Variants in PTPRT observed in about 807,000 individuals in gnomAD.
PTPRT encodes protein tyrosine phosphatase receptor type T, also known as receptor-type tyrosine-protein phosphatase T.
PTPRT carries 56 observed loss-of-function variants against 176.8 expected under a neutral mutation model. The observed-to-expected ratio is 0.32, with a 90% CI of 0.26 to 0.40. The LOEUF (loss-of-function observed/expected upper bound fraction) is 0.40. Ranked by LOEUF, PTPRT falls within the 10% of genes least tolerant of loss-of-function variation. The pLI is 1.00. For missense variants in PTPRT, 1,540 were observed against 1,908.2 expected, an observed-to-expected ratio of 0.81 and a Z score of 3.60; for synonymous variants, 783 against 739.0, an observed-to-expected ratio of 1.06 and a Z score of -0.96.
intron 12 of PTPRT, among the ~76,000 whole-genome samples, chr20:42,293,473 C>T (rs1600793562): frequency 1.3e-5 from 2 of 152,290 alleles, no homozygotes; most frequent in Non-Finnish European, 1.5e-5. Flanking sequence ...CCTTTCTTTG[C>T]CTATGTATTT....
chr20:42,137,038 G>A (rs754588111), intron 18 of PTPRT, among the ~76,000 whole-genome samples: 1 of 152,228 alleles, frequency 6.6e-6, no homozygotes, highest in Non-Finnish European at 1.5e-5. Flanking sequence ...CTGCAAGAAG[G>A]CAGAGAAGGC....
At chr20:42,065,455 T>C in the PTPRT span, among the ~76,000 whole-genome samples, 1 of 152,246 alleles carries the variant, frequency 6.6e-6, no homozygotes, top group Admixed American at 6.5e-5. Context: ...GCTTAGTGGC[T>C]AAGAACCACA....
chr20:43,027,963 C>A (rs1259866293), intron 1 of PTPRT, among the ~76,000 whole-genome samples: 1 of 152,126 alleles, frequency 6.6e-6, no homozygotes. Flanking sequence ...CAGCACTGCC[C>A]GTCACCCTAA....
At chr20:42,255,047 G>C (rs950110491) in intron 13 of PTPRT, among the ~76,000 whole-genome samples, 1 of 152,002 alleles carries the variant, frequency 6.6e-6, no homozygotes, top group Admixed American at 6.6e-5. Flanking sequence ...GCAGGGGAAT[G>C]TGTCATCAAC....
At chr20:42,710,299 T>G (rs1381893617) in intron 6 of PTPRT, among the ~76,000 whole-genome samples, 3 of 152,120 alleles carry the variant, frequency 2.0e-5, no homozygotes, top group African/African-American at 7.2e-5. Flanking sequence ...ATTTCAGAGA[T>G]CCTCAGTACA....
intron 6 of PTPRT, among the ~76,000 whole-genome samples, chr20:42,726,197 A>C: frequency 6.6e-6 from 1 of 152,012 alleles, no homozygotes; most frequent in South Asian, 2.1e-4. Flanking sequence ...CTCGTGCCTC[A>C]GCCTCCTGAG....
intron 18 of PTPRT, among the ~76,000 whole-genome samples, chr20:42,133,050 T>C (rs1265549522): frequency 1.3e-5 from 2 of 152,304 alleles, no homozygotes; most frequent in Admixed American, 6.5e-5. Flanking sequence ...AAACCTTAAT[T>C]TGAGTACACA....
intron 1 of PTPRT, among the ~76,000 whole-genome samples, chr20:43,104,601 T>C (rs6030652): frequency 6.6e-6 from 1 of 152,058 alleles, no homozygotes; most frequent in Non-Finnish European, 1.5e-5. Context: ...AGGCACAGAG[T>C]TGGAGCTAAA....
intron 1 of PTPRT, among the ~76,000 whole-genome samples, chr20:42,941,864 C>A (rs756944496): frequency 1.3e-5 from 2 of 152,032 alleles, no homozygotes; most frequent in Non-Finnish European, 2.9e-5. Flanking sequence ...GGATGAGAGG[C>A]AACATGATAT....
chr20:42,480,166 C>A (rs187531759), intron 7 of PTPRT, among the ~76,000 whole-genome samples: 20 of 152,300 alleles, frequency 1.3e-4, no homozygotes, highest in Non-Finnish European at 2.4e-4. Context: ...ATCACCTGAA[C>A]CTAAGCACAT....
rs757093346 is a variant in PTPRT at position 42,352,223 on chromosome 20, T to A, written c.1623A>T (p.Lys541Asn). The A allele has an allele frequency of 2.5e-6, 4 of 1,614,062 alleles. No homozygotes were observed. Among genetic ancestry groups the A allele is most frequent in the African/African-American group, 1.3e-5 (1 of 74,916 alleles). The change falls in exon 10 of 31, where the codon AAA (lysine) becomes AAT (asparagine). Residue 541 changes from lysine to asparagine, a missense_variant. By Grantham distance (94) the Lys-to-Asn change is moderately conservative. This residue lies in a region of PTPRT where 136 missense variants were observed against 135.0 expected (regional missense o/e 1.01). Coordinates refer to ENST00000373187, the MANE Select transcript of PTPRT (RefSeq NM_007050.6). ...GGGTTTCATTCCGGAGCTTGAACACTTTCCCCCTCTGGCTCGAGAGGTCAG... is the reference window on the plus strand; with the variant it reads ...GGGTTTCATTCCGGAGCTTGAACACATTCCCCCTCTGGCTCGAGAGGTCAG... The part of the protein sequence containing the change: ...PSADLSSQRG[K>N]VFKLRNETHH...
chr20:42,587,509 C>T lies in PTPRT; in HGVS notation c.1153+90357G>A, dbSNP rs146817309. On this transcript the variant is annotated intron_variant, in intron 7 of 30. Coordinates refer to ENST00000373187, the MANE Select transcript of PTPRT (RefSeq NM_007050.6). ...AGAGCAAGCCCTGACCCTGGTCAGA[C>T]TCAACTCTGACCCTTGCACGGCCTG... Among the ~76,000 whole-genome samples, 961 of 152,358 alleles carry T rather than the reference C, an allele frequency of 6.3e-3. 11 individuals carry two copies. Among genetic ancestry groups the T allele is most frequent in the African/African-American group, 0.022 (921 of 41,590 alleles).
chr20:43,145,855 C>T (rs2014152301), intron 1 of PTPRT, among the ~76,000 whole-genome samples: 1 of 152,218 alleles, frequency 6.6e-6, no homozygotes, highest in African/African-American at 2.4e-5. Context: ...AGCTCTCTTT[C>T]CTTGAATTAA....
At chr20:42,268,780 T>C (rs191388816) in intron 13 of PTPRT, among the ~76,000 whole-genome samples, 1 of 152,290 alleles carries the variant, frequency 6.6e-6, no homozygotes, top group Non-Finnish European at 1.5e-5. Flanking sequence ...GGAGTACAGG[T>C]GTCCATGGCA....
At chr20:42,978,299 A>G (rs1392500901) in intron 1 of PTPRT, among the ~76,000 whole-genome samples, 1 of 152,224 alleles carries the variant, frequency 6.6e-6, no homozygotes, top group Non-Finnish European at 1.5e-5. Flanking sequence ...CTCTTTCTCA[A>G]AGTATCTTAT....
chr20:42,291,036 T>G (rs2057308940), intron 12 of PTPRT, among the ~76,000 whole-genome samples: 1 of 152,156 alleles, frequency 6.6e-6, no homozygotes, highest in African/African-American at 2.4e-5. Flanking sequence ...GTTTTCACAT[T>G]ATCCCAACTT....
intron 7 of PTPRT, among the ~76,000 whole-genome samples, chr20:42,542,556 G>A (rs1374746649): frequency 6.6e-6 from 1 of 152,156 alleles, no homozygotes; most frequent in Non-Finnish European, 1.5e-5. Context: ...GCACTGTTAT[G>A]TAATTCTGTA....
chr20:43,026,779 A>G (rs1985930717), intron 1 of PTPRT, among the ~76,000 whole-genome samples: 2 of 151,898 alleles, frequency 1.3e-5, no homozygotes, highest in African/African-American at 2.4e-5. Flanking sequence ...TCTGTTCTCT[A>G]TTGTTTTAAT....
At chr20:43,102,284 T>TCTCACACACACACACACA (rs138696752) in intron 1 of PTPRT, among the ~76,000 whole-genome samples, 2 of 140,452 alleles carry the variant, frequency 1.4e-5, no homozygotes, top group African/African-American at 5.3e-5. Flanking sequence ...CACTCACACA[T>TCTCACACACACACACACA]CACACACACA....
Sources: gnomAD v4.1 joint callset for allele counts (sites outside exome capture counted in the v4.1 genomes callset) on GRCh38, gnomAD v4.1.1 for gene constraint, gnomAD v4.1.1 regional missense constraint, MANE v1.5 for transcripts, NCBI Gene and HGNC (gene_info 2026-07-23, HGNC 2026-07-21) for gene names.